FAM118A: variants seen among roughly 807,000 people sequenced by gnomAD.
FAM118A encodes the protein SIR2 antiphage like 2, also known as protein FAM118A.
Under a neutral mutation model 38.2 loss-of-function variants are expected in FAM118A, and 25 were observed. That is an observed-to-expected ratio of 0.65 (90% CI 0.48 to 0.91). The LOEUF (loss-of-function observed/expected upper bound fraction) is 0.91. FAM118A is among the 40% of genes least tolerant of loss of function. The pLI is 0.00. For missense variants in FAM118A, 425 were observed against 463.3 expected, an observed-to-expected ratio of 0.92 and a Z score of 0.76; for synonymous variants, 178 against 184.1, an observed-to-expected ratio of 0.97 and a Z score of 0.27.
At chr22:45,322,694 G>T (rs1318175579) in intron 2 of FAM118A, among the ~76,000 whole-genome samples, 1 of 152,172 alleles carries the variant, frequency 6.6e-6, no homozygotes, top group Non-Finnish European at 1.5e-5. Context: ...TCCTAAGAAA[G>T]AATTCTTTGA....
Position 45,340,585 on chromosome 22 carries a change from G to T in FAM118A, c.*180G>T. 1.4e-6 allele frequency: 1 copy of T among 694,118 alleles called. No individual in the cohort carries two copies. The highest frequency in any genetic ancestry group is 2.5e-5 in the Admixed American group (1 of 40,804). 43.0% of individuals were successfully genotyped at this position (694,118 alleles called of 1,614,324 possible). A position where few individuals can be genotyped will look rare whatever the true frequency, so the allele number is the denominator to read the frequency against. On this transcript the variant is annotated 3_prime_UTR_variant, in exon 9 of 9. Transcript: ENST00000441876. ...GGGTGAGAGGGCTCCCCTGTGTGTT[G>T]AACTATGCAGGAGGGTGACGCGGAC...
chr22:45,313,735 C>T (rs1403830248), intron 1 of FAM118A, among the ~76,000 whole-genome samples: 1 of 152,172 alleles, frequency 6.6e-6, no homozygotes, highest in Non-Finnish European at 1.5e-5. Context: ...GAGAGACAGA[C>T]TCAGGGATAA....
intron 5 of FAM118A, among the ~76,000 whole-genome samples, chr22:45,331,876 C>T (rs1002777303): frequency 7.2e-6 from 1 of 138,042 alleles, no homozygotes; most frequent in African/African-American, 3.2e-5. Context: ...CACCCGACCC[C>T]GTCAGTCATG....
intron 7 of FAM118A, among the ~76,000 whole-genome samples, chr22:45,335,723 C>T (rs1194857406): frequency 1.3e-5 from 2 of 152,240 alleles, no homozygotes; most frequent in African/African-American, 4.8e-5. Flanking sequence ...CTTAGAATGA[C>T]CCAGCTCTTC....
chr22:45,327,706 T>TG, intron 3 of FAM118A, 136 bp from the exon 4 acceptor site: 1 of 820,694 alleles, frequency 1.2e-6, no homozygotes, highest in Non-Finnish European at 1.9e-6. Context: ...GCTCTGGGGT[T>TG]GCGGCGCACG....
At chr22:45,316,026 A>C (rs934834777) in intron 1 of FAM118A, among the ~76,000 whole-genome samples, 1 of 152,148 alleles carries the variant, frequency 6.6e-6, no homozygotes, top group Non-Finnish European at 1.5e-5. Flanking sequence ...ATGTGCTTGA[A>C]GACTGTTGCT....
At chr22:45,310,259 G>A (rs936791605) in intron 1 of FAM118A, 76 bp downstream of exon 1, 6 of 151,556 alleles carry the variant, frequency 4.0e-5, no homozygotes, top group African/African-American at 1.5e-4. Context: ...GATCCGCCCC[G>A]GCCCCGGGGC....
chr22:45,327,671 A>G (rs776699381), intron 3 of FAM118A, among the ~76,000 whole-genome samples, 171 bp from the exon 4 acceptor site: 1 of 152,164 alleles, frequency 6.6e-6, no homozygotes, highest in Admixed American at 6.5e-5. Flanking sequence ...GTGGCGTGCT[A>G]CACGTGAGCA....
intron 1 of FAM118A, among the ~76,000 whole-genome samples, chr22:45,315,503 C>T (rs923849224): frequency 6.6e-6 from 1 of 152,208 alleles, no homozygotes; most frequent in African/African-American, 2.4e-5. Flanking sequence ...GAGTAACAGA[C>T]ACTGTACACT....
upstream of FAM118A, chr22:45,309,663 C>A (rs1255294683): frequency 6.6e-6 from 1 of 152,276 alleles, no homozygotes; most frequent in African/African-American, 2.4e-5. Flanking sequence ...AGGGCTAGGA[C>A]GCGGACTCTA....
At chr22:45,316,686 CAGT>C (rs1318070072) in intron 1 of FAM118A, among the ~76,000 whole-genome samples, 1 of 152,188 alleles carries the variant, frequency 6.6e-6, no homozygotes, top group Non-Finnish European at 1.5e-5. Context: ...TGTCTCCTGT[CAGT>C]AGCACATTTA....
intron 1 of FAM118A, among the ~76,000 whole-genome samples, chr22:45,319,239 C>T (rs1341170409): frequency 6.6e-6 from 1 of 152,036 alleles, no homozygotes; most frequent in Non-Finnish European, 1.5e-5. Flanking sequence ...ACTGGTTGAC[C>T]AGTGCGTGTT....
chr22:45,316,085 T>C (rs1373075000), intron 1 of FAM118A, among the ~76,000 whole-genome samples: 1 of 152,142 alleles, frequency 6.6e-6, no homozygotes, highest in Non-Finnish European at 1.5e-5. Context: ...TGTCACTCAG[T>C]GTGGAGTGCA....
intron 1 of FAM118A, 151 bp from the exon 2 acceptor site, chr22:45,322,220 G>A (rs2084920845): frequency 2.0e-6 from 3 of 1,536,926 alleles, no homozygotes; most frequent in African/African-American, 2.7e-5. Flanking sequence ...TTGGATGTAC[G>A]TCATTTGCGT....
At chr22:45,333,621 C>G (rs1328384498) in intron 6 of FAM118A, among the ~76,000 whole-genome samples, 1 of 149,812 alleles carries the variant, frequency 6.7e-6, no homozygotes, top group East Asian at 1.9e-4. Flanking sequence ...TTGCAGTGAG[C>G]CAAGATCGCA....
intron 6 of FAM118A, among the ~76,000 whole-genome samples, chr22:45,333,425 A>G (rs551937550): frequency 6.6e-6 from 1 of 152,284 alleles, no homozygotes; most frequent in East Asian, 1.9e-4. Context: ...CTGTAATCCC[A>G]GCACTTTGGG....
chr22:45,317,870 G>C (rs2084675618), intron 1 of FAM118A, among the ~76,000 whole-genome samples: 1 of 152,164 alleles, frequency 6.6e-6, no homozygotes, highest in Non-Finnish European at 1.5e-5. Flanking sequence ...TGTCGGACTT[G>C]TACTTGCTTC....
intron 1 of FAM118A, among the ~76,000 whole-genome samples, chr22:45,313,738 A>G (rs906269532): frequency 6.6e-6 from 1 of 152,236 alleles, no homozygotes; most frequent in Admixed American, 6.5e-5. Flanking sequence ...AGACAGACTC[A>G]GGGATAACTG....
At chr22:45,331,065 T>C (rs554957553) in intron 5 of FAM118A, among the ~76,000 whole-genome samples, 76 of 152,332 alleles carry the variant, frequency 5.0e-4, no homozygotes, top group African/African-American at 1.6e-3. Flanking sequence ...GTGAAACTCC[T>C]CAGCATGACA....
Sources: gnomAD v4.1 joint callset for allele counts (sites outside exome capture counted in the v4.1 genomes callset) on GRCh38, gnomAD v4.1.1 for gene constraint, MANE v1.5 for transcripts, NCBI Gene and HGNC (gene_info 2026-07-23, HGNC 2026-07-21) for gene names.